Variants in MTCL2 observed in about 807,000 individuals in gnomAD.
The protein encoded by MTCL2 is microtubule crosslinking factor 2.
the MTCL2 span, chr20:36,785,252 C>A: frequency 3.0e-6 from 3 of 985,368 alleles, no homozygotes; most frequent in South Asian, 1.4e-4. Context: ...CAAGCGGCCT[C>A]GTCCACCCAG....
the MTCL2 span, among the ~76,000 whole-genome samples, chr20:36,861,175 C>A: frequency 6.6e-6 from 1 of 152,182 alleles, no homozygotes; most frequent in Non-Finnish European, 1.5e-5. Context: ...CAGCTCAGAG[C>A]ACCAAGAGGG....
At chr20:36,862,649 C>T in the MTCL2 span, 1 of 1,491,604 alleles carries the variant, frequency 6.7e-7, no homozygotes, top group African/African-American at 1.4e-5. Flanking sequence ...TCTACCCGGG[C>T]GCCCCCACCT....
the MTCL2 span, chr20:36,828,930 C>T: frequency 3.9e-5 from 41 of 1,046,698 alleles, no homozygotes; most frequent in South Asian, 5.6e-4. Context: ...AATAAACAAC[C>T]TTGCCAGGGA....
At chr20:36,800,193 T>C in the MTCL2 span, among the ~76,000 whole-genome samples, 5 of 152,224 alleles carry the variant, frequency 3.3e-5, no homozygotes, top group Non-Finnish European at 5.9e-5. Context: ...ATGGAACCCG[T>C]GCCCTGATGA....
chr20:36,802,785 C>A, the MTCL2 span: 1 of 1,502,174 alleles, frequency 6.7e-7, no homozygotes, highest in South Asian at 1.3e-5. Context: ...TGAAGGAGTT[C>A]CTGCTTCTGA....
At chr20:36,830,563 G>A in the MTCL2 span, among the ~76,000 whole-genome samples, 3 of 152,162 alleles carry the variant, frequency 2.0e-5, no homozygotes, top group African/African-American at 7.2e-5. Flanking sequence ...GCGAGACCCT[G>A]TCTCCTAAAA....
chr20:36,862,858 C>T, the MTCL2 span: 4 of 1,229,928 alleles, frequency 3.3e-6, no homozygotes, highest in Non-Finnish European at 4.0e-6. Context: ...GCGGAGGGCG[C>T]GGGCTGGGCC....
the MTCL2 span, chr20:36,794,423 C>T: frequency 6.2e-7 from 1 of 1,613,986 alleles, no homozygotes; most frequent in Non-Finnish European, 8.5e-7. This position sits in a 1 kb window ranked among gnomAD's most constrained non-coding sequence, Gnocchi z 5.4. Context: ...GTTGCAGTCC[C>T]TCGACGAGAG....
At chr20:36,795,636 C>T in the MTCL2 span, among the ~76,000 whole-genome samples, 1 of 152,058 alleles carries the variant, frequency 6.6e-6, no homozygotes, top group Non-Finnish European at 1.5e-5. Context: ...ATTAGCCAAG[C>T]GTGGTGGCGT....
chr20:36,860,545 G>T, the MTCL2 span, among the ~76,000 whole-genome samples: 1 of 152,152 alleles, frequency 6.6e-6, no homozygotes, highest in African/African-American at 2.4e-5. Flanking sequence ...GTGATGAAGA[G>T]GATCTATTCT....
chr20:36,859,150 C>A, the MTCL2 span, among the ~76,000 whole-genome samples: 1 of 152,178 alleles, frequency 6.6e-6, no homozygotes, highest in African/African-American at 2.4e-5. Context: ...GGTAACTTGC[C>A]CATGGCCACA....
At chr20:36,794,359 G>A in the MTCL2 span, 1 of 1,606,330 alleles carries the variant, frequency 6.2e-7, no homozygotes, top group Non-Finnish European at 8.5e-7. This position sits in a 1 kb window ranked among gnomAD's most constrained non-coding sequence, Gnocchi z 5.4. Flanking sequence ...GAGCCGTGTA[G>A]CTGCGCTGCA....
the MTCL2 span, among the ~76,000 whole-genome samples, chr20:36,855,135 T>C: frequency 6.6e-5 from 10 of 152,242 alleles, no homozygotes; most frequent in African/African-American, 2.4e-4. Flanking sequence ...CGCCAAGTGC[T>C]GTCGGGTCCT....
At chr20:36,781,264 C>G in the MTCL2 span, 3 of 152,070 alleles carry the variant, frequency 2.0e-5, no homozygotes, top group Non-Finnish European at 4.4e-5. Flanking sequence ...GGCTGGATGC[C>G]GTGGCTCACG....
chr20:36,863,178 G>C, the MTCL2 span: 2 of 1,271,310 alleles, frequency 1.6e-6, no homozygotes, highest in Non-Finnish European at 2.0e-6. This position sits in a 1 kb window ranked among gnomAD's most constrained non-coding sequence, Gnocchi z 6.2. Context: ...TGCTGAGCCC[G>C]GGCCTGGGCC....
At chr20:36,844,464 C>T in the MTCL2 span, among the ~76,000 whole-genome samples, 3 of 151,884 alleles carry the variant, frequency 2.0e-5, no homozygotes, top group Non-Finnish European at 2.9e-5. Flanking sequence ...TAGGCCGTGA[C>T]TTTAAAAATG....
chr20:36,820,017 G>A, the MTCL2 span, among the ~76,000 whole-genome samples: 1 of 152,214 alleles, frequency 6.6e-6, no homozygotes, highest in African/African-American at 2.4e-5. Context: ...CACAGAAGCA[G>A]ACCCCCGTAT....
chr20:36,859,082 C>T, the MTCL2 span, among the ~76,000 whole-genome samples: 87 of 152,276 alleles, frequency 5.7e-4, 1 homozygote, highest in East Asian at 1.9e-4. Flanking sequence ...TGAGTCACTG[C>T]GCCAGGCCCC....
At chr20:36,811,763 A>C in the MTCL2 span, among the ~76,000 whole-genome samples, 11 of 152,206 alleles carry the variant, frequency 7.2e-5, no homozygotes, top group Non-Finnish European at 1.6e-4. Context: ...ATCAGCTTCA[A>C]GTGAGCTTCT....
Sources: allele counts gnomAD v4.1 joint callset (sites outside exome capture counted in the v4.1 genomes callset), GRCh38; gene constraint gnomAD v4.1.1; non-coding constraint Gnocchi (gnomAD v3.1); transcripts MANE v1.5; gene names NCBI Gene and HGNC (gene_info 2026-07-23, HGNC 2026-07-21).